The following ADGRL2 variants were observed in gnomAD, a reference collection of about 807,000 sequenced individuals.
ADGRL2 encodes the protein calcium-independent alpha-latrotoxin receptor 2.
In ADGRL2, 44 loss-of-function variants were observed where a neutral mutation model predicts 157.4. That is an observed-to-expected ratio of 0.28 (90% CI 0.22 to 0.36). The LOEUF (loss-of-function observed/expected upper bound fraction) is 0.36, where lower values mean the gene tolerates loss of function less well. ADGRL2 is among the 10% of genes least tolerant of loss of function. The probability of loss-of-function intolerance (pLI) is 1.00; values close to 1 mark genes in which losing one functional copy is unlikely to be tolerated. For synonymous variants in ADGRL2, 585 were observed against 624.7 expected (o/e 0.94, Z 0.95); for missense variants, 1,510 against 1,768.9 (o/e 0.85, Z 2.63).
chr1:81,581,912 C>A (rs1001283264), intron 3 of ADGRL2, among the ~76,000 whole-genome samples: 1 of 137,794 alleles, frequency 7.3e-6, no homozygotes, highest in East Asian at 2.1e-4. Context: ...ACACACACAC[C>A]CCTGCCTCAG....
chr1:81,410,171 A>G (rs1557668081), intron 1 of ADGRL2, among the ~76,000 whole-genome samples: 1 of 152,166 alleles, frequency 6.6e-6, no homozygotes, highest in African/African-American at 2.4e-5. Flanking sequence ...TTTTTCTTAC[A>G]TTGGGATTTA....
chr1:81,630,811 A>G (rs1390969029), intron 3 of ADGRL2, among the ~76,000 whole-genome samples: 1 of 152,226 alleles, frequency 6.6e-6, no homozygotes, highest in Non-Finnish European at 1.5e-5. Context: ...CAACTATGCT[A>G]TTGATATGGA....
At chr1:81,803,695 C>T (rs2088667882) in intron 1 of ADGRL2, among the ~76,000 whole-genome samples, 1 of 152,126 alleles carries the variant, frequency 6.6e-6, no homozygotes, top group Non-Finnish European at 1.5e-5. Flanking sequence ...GTCTGAGCTG[C>T]AGCTACCAAC....
chr1:81,382,539 G>A (rs1245872679), intron 1 of ADGRL2, among the ~76,000 whole-genome samples: 1 of 152,060 alleles, frequency 6.6e-6, no homozygotes, highest in Non-Finnish European at 1.5e-5. Flanking sequence ...TTTTTTAAAA[G>A]CAACTTTAAC....
rs3046312 is a variant in ADGRL2 at position 81,824,948 on chromosome 1, C to CCTCTCTCTCTCTCTCTCTCTCTCT, written c.-100-11926_-100-11903dup. On this transcript the variant is annotated intron_variant, in intron 1 of 23. Coordinates refer to ENST00000686636, the MANE Select transcript of ADGRL2 (RefSeq NM_001366006.2). ...GTTTCCAGTTTTGCTTTTTAATTCTCCTCTCTCTCTCTCTCTCTCTCTCTC... is the reference window on the plus strand; with the variant it reads ...GTTTCCAGTTTTGCTTTTTAATTCTCCTCTCTCTCTCTCTCTCTCTCTCTCTCTCTCTCTCTCTCTCTCTCTCTC... Among the ~76,000 whole-genome samples the CCTCTCTCTCTCTCTCTCTCTCTCT allele has an allele frequency of 7.8e-5, 10 of 127,976 alleles. No individual in the cohort carries two copies. In the South Asian group the frequency reaches 1.3e-3, roughly 17 times the overall value. 84.0% of individuals were successfully genotyped at this position (127,976 alleles called of 152,430 possible).
chr1:81,347,048 C>T (rs1662530044), intron 1 of ADGRL2, among the ~76,000 whole-genome samples: 2 of 152,134 alleles, frequency 1.3e-5, no homozygotes, highest in Admixed American at 1.3e-4. Context: ...AGAAAGTGTT[C>T]ATCTTCTTAT....
At chr1:81,904,833 C>T (rs1337681083) in intron 2 of ADGRL2, among the ~76,000 whole-genome samples, 1 of 151,414 alleles carries the variant, frequency 6.6e-6, no homozygotes, top group African/African-American at 2.4e-5. Context: ...CTTGAACCGG[C>T]GAGGCAGAGG....
intron 1 of ADGRL2, among the ~76,000 whole-genome samples, chr1:81,710,464 C>CA (rs2083888533): frequency 6.6e-6 from 1 of 151,070 alleles, no homozygotes; most frequent in South Asian, 2.1e-4. Flanking sequence ...ACTAAAAATA[C>CA]AAAAAATCAG....
chr1:81,772,729 A>C (rs1295245510), intron 2 of ADGRL2, among the ~76,000 whole-genome samples: 3 of 152,086 alleles, frequency 2.0e-5, no homozygotes, highest in Non-Finnish European at 4.4e-5. Context: ...ACTCCATCCC[A>C]AAAAAAGAGT....
chr1:81,407,213 G>A (rs755655186), intron 1 of ADGRL2, among the ~76,000 whole-genome samples: 2 of 152,170 alleles, frequency 1.3e-5, no homozygotes, highest in African/African-American at 2.4e-5. Context: ...TGTTTCTGGC[G>A]AGAGAGATTT....
intron 3 of ADGRL2, among the ~76,000 whole-genome samples, chr1:81,587,382 A>C (rs2081048806): frequency 6.6e-6 from 1 of 152,132 alleles, no homozygotes; most frequent in African/African-American, 2.4e-5. Flanking sequence ...CAAAAAAGTT[A>C]ATAAATTAAG....
Position 81,355,931 on chromosome 1 carries a change from G to GA in ADGRL2, c.-302+49429dup, listed in dbSNP as rs35737223. On this transcript the variant is annotated intron_variant, in intron 1 of 24. Transcript: ENST00000370721. Reference sequence around the variant, plus strand: ...AGACCCTCATCTTGTGCCAAATTAAGAAAAAAATGTGTTCTTACTCCCATT... The same window carrying GA: ...AGACCCTCATCTTGTGCCAAATTAAGAAAAAAAATGTGTTCTTACTCCCATT... Among the ~76,000 whole-genome samples, 979 of 151,972 alleles carry GA rather than the reference G, an allele frequency of 6.4e-3. 6 individuals carry two copies. The highest frequency in any genetic ancestry group is 0.011 in the Non-Finnish European group (776 of 67,936).
chr1:81,340,823 A>G (rs535331219), intron 1 of ADGRL2, among the ~76,000 whole-genome samples: 1 of 152,086 alleles, frequency 6.6e-6, no homozygotes, highest in South Asian at 2.1e-4. Context: ...AACAAACCTT[A>G]TTTAGGTTGA....
chr1:81,413,138 G>C (rs1186123194), intron 1 of ADGRL2, among the ~76,000 whole-genome samples: 1 of 151,952 alleles, frequency 6.6e-6, no homozygotes, highest in East Asian at 1.9e-4. Flanking sequence ...TGACTCCCTG[G>C]ATGTAGCCCT....
intron 1 of ADGRL2, among the ~76,000 whole-genome samples, chr1:81,701,387 A>G (rs1209495169): frequency 6.6e-6 from 1 of 152,206 alleles, no homozygotes; most frequent in Non-Finnish European, 1.5e-5. Context: ...ATTAAATCCC[A>G]TGGAGGAACA....
chr1:81,371,992 G>A (rs77659772), intron 1 of ADGRL2, among the ~76,000 whole-genome samples: 11,527 of 152,242 alleles, frequency 0.076, 623 homozygotes, highest in Admixed American at 0.11. Context: ...GCAGTCATGT[G>A]AGAAGGGTCA....
chr1:81,647,830 C>T (rs901012564), intron 3 of ADGRL2, among the ~76,000 whole-genome samples: 1 of 152,152 alleles, frequency 6.6e-6, no homozygotes, highest in Non-Finnish European at 1.5e-5. Flanking sequence ...AGGCTGGTGC[C>T]AGTACACATT....
chr1:81,484,669 T>C (rs2078462234), intron 2 of ADGRL2, among the ~76,000 whole-genome samples: 1 of 152,150 alleles, frequency 6.6e-6, no homozygotes. Context: ...CCTTTGTTCA[T>C]GAACAGGACA....
At chr1:81,681,720 C>T (rs558810) in intron 3 of ADGRL2, among the ~76,000 whole-genome samples, 51,569 of 151,926 alleles carry the variant, frequency 0.34, 8,871 homozygotes, top group Admixed American at 0.41. Context: ...AATTGTTTTC[C>T]TCACCATATG....
Sources: gnomAD v4.1 joint callset for allele counts (sites outside exome capture counted in the v4.1 genomes callset) on GRCh38, gnomAD v4.1.1 for gene constraint, MANE v1.5 for transcripts, NCBI Gene and HGNC (gene_info 2026-07-23, HGNC 2026-07-21) for gene names.